Variants in SYCP1 observed in about 807,000 individuals in gnomAD.
SYCP1 encodes the protein synaptonemal complex protein 1.
SYCP1 carries 64 observed loss-of-function variants against 153.1 expected under a neutral mutation model. That is an observed-to-expected ratio of 0.42 (90% confidence interval 0.34 to 0.51). The LOEUF (loss-of-function observed/expected upper bound fraction) is 0.51, where lower values mean the gene tolerates loss of function less well. SYCP1 is among the 20% of genes least tolerant of loss of function. The pLI, the probability that SYCP1 is intolerant of heterozygous loss-of-function variation, is 0.06. For missense variants in SYCP1, 997 were observed against 1,049.0 expected, an observed-to-expected ratio of 0.95 and a Z score of 0.68; for synonymous variants, 384 against 341.8, an observed-to-expected ratio of 1.12 and a Z score of -1.36.
At chr1:114,914,411 T>C (rs1295841250) in intron 20 of SYCP1, among the ~76,000 whole-genome samples, 1 of 152,042 alleles carries the variant, frequency 6.6e-6, no homozygotes, top group African/African-American at 2.4e-5. Flanking sequence ...CTATATTTTT[T>C]TTTTTACATT....
At chr1:114,878,290 A>G in intron 12 of SYCP1, 88 bp downstream of exon 12, 1 of 891,394 alleles carries the variant, frequency 1.1e-6, no homozygotes, top group Non-Finnish European at 1.8e-6. Flanking sequence ...AGTTTGTTGT[A>G]ATGCTTTCTA....
chr1:114,945,065 C>A, intron 25 of SYCP1, 83 bp downstream of exon 25: 2 of 1,010,916 alleles, frequency 2.0e-6, no homozygotes, highest in South Asian at 1.7e-5. Flanking sequence ...AGATAGTATT[C>A]TTATTTGTCA....
Position 114,913,967 on chromosome 1 carries a change from T to G in SYCP1, c.1648-8T>G. 6.5e-7 allele frequency: 1 copy of G among 1,536,466 alleles called. No individual in the cohort carries two copies. Among genetic ancestry groups the G allele is most frequent in the South Asian group, 1.3e-5 (1 of 78,476 alleles). On this transcript the variant is annotated splice_polypyrimidine_tract_variant and splice_region_variant and intron_variant, in intron 19 of 31. Coordinates refer to ENST00000369522, the MANE Select transcript of SYCP1 (RefSeq NM_003176.4). Reference sequence around the variant, plus strand: ...AAATAATTGATATAAACAACATTATTTCTTTAGAATAACAAAAAGCAAGAA... The same window carrying G: ...AAATAATTGATATAAACAACATTATGTCTTTAGAATAACAAAAAGCAAGAA...
intron 20 of SYCP1, among the ~76,000 whole-genome samples, chr1:114,916,031 T>C (rs1219318205): frequency 6.6e-6 from 1 of 152,152 alleles, no homozygotes; most frequent in African/African-American, 2.4e-5. Context: ...TCAGCCCCCA[T>C]GAGAAGTGCC....
chr1:114,949,141 A>G (rs1670932501), intron 27 of SYCP1, among the ~76,000 whole-genome samples: 1 of 152,216 alleles, frequency 6.6e-6, no homozygotes, highest in Non-Finnish European at 1.5e-5. Flanking sequence ...GAAATGATGT[A>G]CAAGCATGTT....
At chr1:114,875,575 T>C (rs1037497967) in intron 9 of SYCP1, among the ~76,000 whole-genome samples, 1 of 152,154 alleles carries the variant, frequency 6.6e-6, no homozygotes, top group Non-Finnish European at 1.5e-5. Flanking sequence ...TTGTCTTCTA[T>C]TCCTATTACC....
In SYCP1 at chr1:114,981,349, T is replaced by A. The variant is rs757155811; in HGVS notation, c.2396T>A (p.Phe799Tyr). ...TGTTCAATGCAGAAAACACAAACAT[T>A]TTTATTGGAAACACCTGAAATTTAT... Reference protein sequence around the residue: ...KEKKDKKTQTFLLETPEIYWK... With the variant: ...KEKKDKKTQTYLLETPEIYWK... The change falls in exon 29 of 32, where the codon TTT becomes TAT. Residue 799 changes from phenylalanine to tyrosine, a missense_variant. Phe to Tyr is a conservative substitution (Grantham distance 22, BLOSUM62 3). Transcript: ENST00000369522. 6.3e-7 allele frequency: 1 copy of A among 1,591,014 alleles called. No individual in the cohort carries two copies. The highest frequency in any genetic ancestry group is 8.5e-7 in the Non-Finnish European group (1 of 1,172,230).
rs567642602 is a variant in SYCP1, at chr1:114,863,336, G to A, written c.598+2527G>A. On this transcript the variant is annotated intron_variant, in intron 8 of 31. Transcript: ENST00000369522. ...TGGGAGGCCGAAGCAGGCAGATCAC[G>A]AGGTCAAGAGATCAAGACCAGCCTG... Among the ~76,000 whole-genome samples, 6 of 152,164 alleles carry A rather than the reference G, an allele frequency of 3.9e-5. No homozygotes were observed. The East Asian group carries it at 1.2e-3, about 29-fold the overall frequency.
At chr1:114,855,070 G>A (rs1447414232) in intron 1 of SYCP1, 52 bp downstream of exon 1, 1 of 153,930 alleles carries the variant, frequency 6.5e-6, no homozygotes, top group Non-Finnish European at 1.4e-5. Flanking sequence ...CCAGAGCGGG[G>A]CGATGTTGTG....
chr1:114,944,839 T>C, intron 24 of SYCP1, 33 bp from the exon 25 acceptor site: 1 of 1,468,370 alleles, frequency 6.8e-7, no homozygotes, highest in Non-Finnish European at 9.3e-7. Flanking sequence ...TGCATTTATT[T>C]TAAGAAACTT....
intron 27 of SYCP1, among the ~76,000 whole-genome samples, chr1:114,951,533 C>T (rs1671105440): frequency 6.6e-6 from 1 of 152,140 alleles, no homozygotes; most frequent in Non-Finnish European, 1.5e-5. Context: ...GACTGAAAAA[C>T]ATTTTGAAGA....
intron 6 of SYCP1, 24 bp from the exon 7 acceptor site, chr1:114,859,719 G>T: frequency 2.0e-6 from 2 of 1,007,830 alleles, no homozygotes; most frequent in South Asian, 3.6e-5. Flanking sequence ...AAAATGGGAT[G>T]AACTTTTCTG....
chr1:114,921,397 G>A (rs918558355), intron 20 of SYCP1, among the ~76,000 whole-genome samples: 9 of 151,814 alleles, frequency 5.9e-5, no homozygotes, highest in Non-Finnish European at 1.2e-4. Flanking sequence ...TAAGATACGA[G>A]GCCAGGTACG....
intron 23 of SYCP1, among the ~76,000 whole-genome samples, chr1:114,927,962 A>G (rs1669367180): frequency 6.6e-6 from 1 of 152,100 alleles, no homozygotes. Flanking sequence ...CTGAGACTAC[A>G]GGAGTATGCC....
intron 5 of SYCP1, 54 bp from the exon 6 acceptor site, chr1:114,858,493 G>GTT: frequency 6.9e-7 from 1 of 1,455,644 alleles, no homozygotes; most frequent in African/African-American, 1.4e-5. Context: ...GGCAGCTGTA[G>GTT]TTTGGTTATA....
intron 27 of SYCP1, among the ~76,000 whole-genome samples, chr1:114,954,547 TTTTATTTATTTATTTATTTA>T (rs4045000): frequency 6.7e-6 from 1 of 148,334 alleles, no homozygotes; most frequent in Non-Finnish European, 1.5e-5. Flanking sequence ...TCAGTATGCT[TTTTATTTATTTATTTATTTA>T]TTTATTTATT....
At chr1:114,878,265 T>C (rs1665679014) in intron 12 of SYCP1, 63 bp downstream of exon 12, 9 of 1,082,238 alleles carry the variant, frequency 8.3e-6, no homozygotes, top group African/African-American at 8.0e-5. Flanking sequence ...GTTCTAAACA[T>C]TGACTTTCAT....
chr1:114,885,701 A>G, intron 13 of SYCP1, 72 bp downstream of exon 13: 1 of 873,522 alleles, frequency 1.1e-6, no homozygotes, highest in South Asian at 1.8e-5. Flanking sequence ...TTTATTAAAT[A>G]CTAATACAAT....
At chr1:114,959,191 A>G (rs1671627345) in intron 27 of SYCP1, among the ~76,000 whole-genome samples, 1 of 152,086 alleles carries the variant, frequency 6.6e-6, no homozygotes, top group African/African-American at 2.4e-5. Context: ...TAGATTTGTG[A>G]AATGCTTTTT....
Sources: allele counts gnomAD v4.1 joint callset (sites outside exome capture counted in the v4.1 genomes callset), GRCh38; gene constraint gnomAD v4.1.1; transcripts MANE v1.5; gene names NCBI Gene and HGNC (gene_info 2026-07-23, HGNC 2026-07-21).